Variants in SS18L2 observed in about 807,000 individuals in gnomAD.
The protein encoded by SS18L2 is SS18 like 2, also known as SS18-like protein 2.
Under a neutral mutation model 10.3 loss-of-function variants are expected in SS18L2, and 8 were observed. The observed-to-expected ratio is 0.78, with a 90% CI of 0.46 to 1.41. SS18L2 has a LOEUF of 1.41. Ranked by LOEUF, SS18L2 falls within the 40% of genes most tolerant of loss-of-function variation. The pLI, the probability that SS18L2 is intolerant of heterozygous loss-of-function variation, is 0.00. For synonymous variants in SS18L2, 41 were observed against 34.6 expected, an observed-to-expected ratio of 1.19 and a Z score of -0.65; for missense variants, 100 against 96.2, an observed-to-expected ratio of 1.04 and a Z score of -0.17.
intron 2 of SS18L2, among the ~76,000 whole-genome samples, chr3:42,593,034 T>C (rs1704906181): frequency 6.6e-6 from 1 of 151,808 alleles, no homozygotes; most frequent in East Asian, 1.9e-4. Context: ...AACACAACAA[T>C]AAAAAAAATA....
upstream of SS18L2, among the ~76,000 whole-genome samples, chr3:42,589,867 C>T (rs1704755155): frequency 6.6e-6 from 1 of 152,182 alleles, no homozygotes; most frequent in African/African-American, 2.4e-5. Context: ...CAGTGGTCAC[C>T]AGGAGTAACC....
At chr3:42,592,232 CCTCT>C (rs1446030435) in intron 2 of SS18L2, among the ~76,000 whole-genome samples, 1 of 151,600 alleles carries the variant, frequency 6.6e-6, no homozygotes, top group African/African-American at 2.4e-5. Context: ...AGACAGTCTC[CCTCT>C]GTCACCCAGG....
In SS18L2 at chr3:42,591,596, C is replaced by G; in HGVS notation, c.141C>G (p.Cys47Trp). The G allele has an allele frequency of 6.2e-7, 1 of 1,611,556 alleles. No homozygotes were observed. The highest frequency in any genetic ancestry group is 8.5e-7 in the Non-Finnish European group (1 of 1,177,710). ...AGAACAAGGGCCGCGGGAACGAGTG[C>G]GTGCAGTAAGTACCCCCACCCCCGC... The part of the protein sequence containing the change: ...EYQNKGRGNE[C>W]VQYQHVLHRN... The change falls in exon 2 of 3, where the codon TGC becomes TGG. Residue 47 changes from cysteine to tryptophan, a missense_variant. Cys to Trp is a radical substitution (Grantham distance 215). Coordinates refer to ENST00000011691, the MANE Select transcript of SS18L2 (RefSeq NM_001370300.1).
intron 1 of SS18L2, among the ~76,000 whole-genome samples, chr3:42,585,349 A>G (rs1704576131): frequency 1.3e-5 from 2 of 152,192 alleles, no homozygotes. Flanking sequence ...CCAGGTTCAC[A>G]GTCAACTCCA....
At chr3:42,586,262 G>A (rs1045564302), upstream of SS18L2, among the ~76,000 whole-genome samples, 6 of 152,204 alleles carry the variant, frequency 3.9e-5, no homozygotes, top group African/African-American at 9.6e-5. Context: ...GTCTCGCTCT[G>A]TCACCCAGGC....
chr3:42,583,029 A>T (rs1157644979), intron 1 of SS18L2, among the ~76,000 whole-genome samples: 1 of 152,242 alleles, frequency 6.6e-6, no homozygotes, highest in Non-Finnish European at 1.5e-5. Context: ...CCACAAAAAG[A>T]AAAGAAACTC....
chr3:42,587,706 A>G (rs1383121866), upstream of SS18L2: 1 of 152,188 alleles, frequency 6.6e-6, no homozygotes, highest in East Asian at 1.9e-4. Context: ...ACAGCACTCC[A>G]GCCTGGGCGA....
In SS18L2 at chr3:42,595,622, T is replaced by C. The variant is rs1227595199; in HGVS notation, c.*1113T>C. Among the ~76,000 whole-genome samples, 1 of 152,250 alleles carries C rather than the reference T, an allele frequency of 6.6e-6. No homozygotes were observed. Among genetic ancestry groups the C allele is most frequent in the Non-Finnish European group, 1.5e-5 (1 of 68,046 alleles). On this transcript the variant is annotated 3_prime_UTR_variant, in exon 3 of 3. Transcript: ENST00000011691. ...ATGAGGATTTTCTAATTTATCATTCTTTCTGACTTTATTAGCTGTATTCTA... is the reference window on the plus strand; with the variant it reads ...ATGAGGATTTTCTAATTTATCATTCCTTCTGACTTTATTAGCTGTATTCTA...
At chr3:42,585,996 C>A (rs571894977), upstream of SS18L2, among the ~76,000 whole-genome samples, 2 of 152,070 alleles carry the variant, frequency 1.3e-5, no homozygotes, top group Admixed American at 1.3e-4. Context: ...AAAGAGCAAC[C>A]ATCAAAGTGA....
At chr3:42,587,934 G>A (rs544776105), upstream of SS18L2, among the ~76,000 whole-genome samples, 1 of 151,620 alleles carries the variant, frequency 6.6e-6, no homozygotes, top group Non-Finnish European at 1.5e-5. Flanking sequence ...TTAGCTGGGC[G>A]TGGTGGTGCA....
In SS18L2 at chr3:42,590,908, C is replaced by T. The variant is rs550152621; in HGVS notation, c.11C>T (p.Ala4Val). 1.9e-6 allele frequency: 3 copies of T among 1,599,482 alleles called. No individual in the cohort carries two copies. Among genetic ancestry groups the T allele is most frequent in the East Asian group, 2.3e-5 (1 of 43,846 alleles). The stretch of plus-strand genomic sequence containing the variant: ...CGGAGGTTCCTCGGGATGTCGGTGG[C>T]CTTCGTACCGGACTGGCTGAGGGGC... MSV[A>V]FVPDWLRGKA... is the part of the protein sequence containing the mutation. Residue 4 changes from alanine to valine, a missense_variant, in exon 1 of 3, where the codon GCC becomes GTC. Physicochemically the swap from Ala to Val is moderately conservative, Grantham distance 64 (BLOSUM62 0). Coordinates refer to ENST00000011691, the MANE Select transcript of SS18L2 (RefSeq NM_001370300.1).
Position 42,595,413 on chromosome 3 carries a change from T to C in SS18L2, c.*904T>C, listed in dbSNP as rs1380489672. 1.3e-5 allele frequency among the ~76,000 whole-genome samples: 2 copies of C among 152,248 alleles called. No individual in the cohort carries two copies. Among genetic ancestry groups the C allele is most frequent in the African/African-American group, 2.4e-5 (1 of 41,470 alleles). On this transcript the variant is annotated 3_prime_UTR_variant, in exon 3 of 3. Transcript: ENST00000011691. Reference sequence around the variant, plus strand: ...ACTATCATCCACTTTTCCTGTAAACTAGTAGATCTAGAGGCTCATGCAGAC... The same window carrying C: ...ACTATCATCCACTTTTCCTGTAAACCAGTAGATCTAGAGGCTCATGCAGAC...
upstream of SS18L2, among the ~76,000 whole-genome samples, chr3:42,586,603 C>T (rs1264538141): frequency 1.3e-5 from 2 of 150,730 alleles, no homozygotes; most frequent in African/African-American, 4.9e-5. Context: ...AAAAAAAAGC[C>T]ATAACCCCCA....
chr3:42,590,982 G>T lies in SS18L2; in HGVS notation c.69+16G>T. ...TATCCAGCGGGTGAGCATCCACGCG[G>T]GCGGGCGGGCGGGCGGAGAGAAGTC... is the stretch of plus-strand genomic sequence containing the variant. On this transcript the variant is annotated intron_variant, in intron 1 of 2. Coordinates refer to ENST00000011691, the MANE Select transcript of SS18L2 (RefSeq NM_001370300.1). 7.5e-7 allele frequency: 1 copy of T among 1,335,446 alleles called. No homozygotes were observed. The highest frequency in any genetic ancestry group is 9.8e-7 in the Non-Finnish European group (1 of 1,015,270). 82.7% of individuals were successfully genotyped at this position (1,335,446 alleles called of 1,614,324 possible). A position where few individuals can be genotyped will look rare whatever the true frequency, so the allele number is the denominator to read the frequency against.
upstream of SS18L2, among the ~76,000 whole-genome samples, chr3:42,587,735 CAA>C (rs34964951): frequency 6.6e-5 from 9 of 135,968 alleles, no homozygotes; most frequent in South Asian, 2.3e-4. Flanking sequence ...GACTCCGTCT[CAA>C]AAAAAAAAAA....
At chr3:42,582,500 A>C (rs908375776) in intron 1 of SS18L2, among the ~76,000 whole-genome samples, 1 of 152,260 alleles carries the variant, frequency 6.6e-6, no homozygotes, top group Non-Finnish European at 1.5e-5. Context: ...ACTGGCTGGA[A>C]GGAGATTAGG....
rs1159619172 is a variant in SS18L2 at position 42,594,472 on chromosome 3, A to G, written c.197A>G (p.Asp66Gly). 7.1e-5 allele frequency: 114 copies of G among 1,613,948 alleles called. No homozygotes were observed. Among genetic ancestry groups the G allele is most frequent in the Non-Finnish European group, 9.6e-5 (113 of 1,179,958 alleles). The change falls in exon 3 of 3, where the codon GAT (aspartate) becomes GGT (glycine). Residue 66 changes from aspartate (D) to glycine (G), a missense_variant. By Grantham distance (94) the Asp-to-Gly change is moderately conservative (BLOSUM62 -1). Transcript: ENST00000011691. ...CTCATTTATTTGGCTACCATTGCAGATGCCAGTCCAACCAGCACTTCAAAA... is the reference window on the plus strand; with the variant it reads ...CTCATTTATTTGGCTACCATTGCAGGTGCCAGTCCAACCAGCACTTCAAAA... Reference protein sequence around the residue: ...RNLIYLATIADASPTSTSKAM... With the variant: ...RNLIYLATIAGASPTSTSKAM...
chr3:42,594,538 A>C lies in SS18L2; in HGVS notation c.*29A>C. 5 of 1,593,082 alleles carry C rather than the reference A, an allele frequency of 3.1e-6. No individual in the cohort carries two copies. Among genetic ancestry groups the C allele is most frequent in the Non-Finnish European group, 4.3e-6 (5 of 1,161,746 alleles). On this transcript the variant is annotated 3_prime_UTR_variant, in exon 3 of 3. Transcript: ENST00000011691. ...TTCAAAAGCAATAGAATAATCTTCC[A>C]TTTGGCTGTCGTGAGGAGTAATTGA...
Position 42,594,696 on chromosome 3 carries a change from G to C in SS18L2, c.*187G>C. 1 of 468,390 alleles carries C rather than the reference G, an allele frequency of 2.1e-6. No individual in the cohort carries two copies. The highest frequency in any genetic ancestry group is 3.4e-5 in the East Asian group (1 of 29,698). The allele number at this position is 468,390 out of a possible 1,614,324, so 29.0% of individuals were successfully genotyped here. On this transcript the variant is annotated 3_prime_UTR_variant, in exon 3 of 3. Coordinates refer to ENST00000011691, the MANE Select transcript of SS18L2 (RefSeq NM_001370300.1). ...GCTACTAACTTAGCTGTATTCTCAT[G>C]TAAATATTTTTTAAATAATTAAGCA...
Sources: allele counts gnomAD v4.1 joint callset (sites outside exome capture counted in the v4.1 genomes callset), GRCh38; gene constraint gnomAD v4.1.1; transcripts MANE v1.5; gene names NCBI Gene and HGNC (gene_info 2026-07-23, HGNC 2026-07-21).